The following GARIN1A variants were observed in gnomAD, a reference collection of about 807,000 sequenced individuals.
GARIN1A encodes the protein golgi associated RAB2 interactor 1A, also known as Golgi-associated RAB2 interactor protein 1A.
At chr7:128,680,731 AT>A in the GARIN1A span, among the ~76,000 whole-genome samples, 1 of 151,900 alleles carries the variant, frequency 6.6e-6, no homozygotes, top group South Asian at 2.1e-4. Context: ...CACCCGGCTA[AT>A]TTTTTGTTAT....
chr7:128,672,735 C>T, the GARIN1A span, among the ~76,000 whole-genome samples: 4 of 152,044 alleles, frequency 2.6e-5, no homozygotes, highest in Admixed American at 6.6e-5. Flanking sequence ...TTGTGCCTAC[C>T]GTATGATAGA....
the GARIN1A span, among the ~76,000 whole-genome samples, chr7:128,704,251 A>T: frequency 1.3e-5 from 2 of 150,874 alleles, no homozygotes; most frequent in Non-Finnish European, 2.9e-5. Flanking sequence ...TGATGATGAT[A>T]GTTTCGGGAT....
the GARIN1A span, among the ~76,000 whole-genome samples, chr7:128,689,532 A>G: frequency 1.4e-4 from 16 of 117,850 alleles, no homozygotes; most frequent in African/African-American, 2.3e-4. Flanking sequence ...GCCCCGTCTG[A>G]GAAGTGAGGA....
the GARIN1A span, chr7:128,685,565 A>C: frequency 6.6e-6 from 1 of 152,210 alleles, no homozygotes; most frequent in Non-Finnish European, 1.5e-5. Flanking sequence ...CTGAGTTAAG[A>C]GGATGCCTGA....
chr7:128,704,655 C>T, the GARIN1A span, among the ~76,000 whole-genome samples: 1 of 152,302 alleles, frequency 6.6e-6, no homozygotes, highest in South Asian at 2.1e-4. Context: ...GTGCAGTTCA[C>T]AATAGGGTTC....
chr7:128,678,223 G>A, the GARIN1A span: 3 of 158,032 alleles, frequency 1.9e-5, no homozygotes, highest in Non-Finnish European at 2.8e-5. Flanking sequence ...GTTTCACCAT[G>A]TTGGCCAAGC....
chr7:128,680,177 A>G, the GARIN1A span: 1 of 1,371,656 alleles, frequency 7.3e-7, no homozygotes, highest in Non-Finnish European at 1.0e-6. Flanking sequence ...TCAGCTCCAG[A>G]TCCCTTCCTC....
the GARIN1A span, among the ~76,000 whole-genome samples, chr7:128,694,981 A>C: frequency 6.6e-6 from 1 of 152,204 alleles, no homozygotes; most frequent in African/African-American, 2.4e-5. Context: ...CATTATCTCT[A>C]TAGCAAGTTG....
At chr7:128,688,882 G>A in the GARIN1A span, among the ~76,000 whole-genome samples, 11 of 141,310 alleles carry the variant, frequency 7.8e-5, no homozygotes, top group African/African-American at 5.3e-5. Flanking sequence ...CGCCATCTCT[G>A]CTCACTGCAA....
chr7:128,683,454 T>G, the GARIN1A span: 222 of 149,240 alleles, frequency 1.5e-3, 1 homozygote, highest in Non-Finnish European at 2.2e-3. Context: ...CTGGGTAATT[T>G]TATTTATTTA....
chr7:128,683,640 T>C, the GARIN1A span: 1 of 151,996 alleles, frequency 6.6e-6, no homozygotes, highest in East Asian at 1.9e-4. Flanking sequence ...GCTAAGTTTT[T>C]ATATTTTAGT....
At chr7:128,690,832 G>A in the GARIN1A span, 1 of 152,120 alleles carries the variant, frequency 6.6e-6, no homozygotes, top group African/African-American at 2.4e-5. Context: ...CAGAATGACA[G>A]GAGAACAGCA....
At chr7:128,679,016 AT>A in the GARIN1A span, among the ~76,000 whole-genome samples, 8 of 151,158 alleles carry the variant, frequency 5.3e-5, no homozygotes, top group East Asian at 1.4e-3. Context: ...TTATGTAACG[AT>A]TGTTACATAT....
chr7:128,702,557 GAT>G, the GARIN1A span, among the ~76,000 whole-genome samples: 1 of 152,072 alleles, frequency 6.6e-6, no homozygotes, highest in Non-Finnish European at 1.5e-5. Flanking sequence ...ATATGTATAA[GAT>G]AATAGAGATG....
At chr7:128,677,596 T>C in the GARIN1A span, 1 of 1,604,488 alleles carries the variant, frequency 6.2e-7, no homozygotes, top group South Asian at 1.1e-5. Context: ...GAGCTACGAA[T>C]CTACGACCGG....
the GARIN1A span, among the ~76,000 whole-genome samples, chr7:128,704,858 G>A: frequency 3.9e-5 from 6 of 152,142 alleles, no homozygotes; most frequent in African/African-American, 1.4e-4. Context: ...GCTTTAGTGG[G>A]TAAATTTGCT....
At chr7:128,676,017 A>ATTTTTTT in the GARIN1A span, among the ~76,000 whole-genome samples, 1 of 121,056 alleles carries the variant, frequency 8.3e-6, no homozygotes, top group Non-Finnish European at 1.7e-5. Context: ...TTTATTTAGT[A>ATTTTTTT]TCTTTTTTTT....
At chr7:128,680,527 C>G in the GARIN1A span, among the ~76,000 whole-genome samples, 4 of 151,712 alleles carry the variant, frequency 2.6e-5, no homozygotes, top group Admixed American at 1.3e-4. Context: ...CCTCATCTGC[C>G]TCTTCTTTTT....
chr7:128,672,554 C>T, the GARIN1A span: 10 of 1,605,214 alleles, frequency 6.2e-6, no homozygotes, highest in Admixed American at 5.1e-5. Context: ...TATCCAGGTA[C>T]CCTCGTGGAG....
Sources: allele counts gnomAD v4.1 joint callset (sites outside exome capture counted in the v4.1 genomes callset), GRCh38; gene constraint gnomAD v4.1.1; transcripts MANE v1.5; gene names NCBI Gene and HGNC (gene_info 2026-07-23, HGNC 2026-07-21).